The following BPI variants were observed in gnomAD, a reference collection of about 807,000 sequenced individuals.
BPI encodes the protein bactericidal permeability increasing protein.
BPI carries 48 observed loss-of-function variants against 57.6 expected under a neutral mutation model. The observed-to-expected ratio is 0.83, with a 90% CI of 0.66 to 1.06. The LOEUF (loss-of-function observed/expected upper bound fraction) is 1.06. BPI is among the 50% of genes least tolerant of loss of function. The pLI is 0.00. For synonymous variants in BPI, 237 were observed against 238.2 expected, an observed-to-expected ratio of 0.99 and a Z score of 0.05; for missense variants, 651 against 609.7, an observed-to-expected ratio of 1.07 and a Z score of -0.71.
At chr20:38,335,974 G>A (rs533728041) in intron 14 of BPI, among the ~76,000 whole-genome samples, 5 of 152,090 alleles carry the variant, frequency 3.3e-5, no homozygotes, top group Non-Finnish European at 7.4e-5. Flanking sequence ...TCTTTTTTAA[G>A]GTGCATTTAA....
At chr20:38,311,844 T>G in intron 4 of BPI, 30 bp from the exon 5 acceptor site, 1 of 1,608,870 alleles carries the variant, frequency 6.2e-7, no homozygotes, top group Non-Finnish European at 8.5e-7. Flanking sequence ...TCAAAAAGCC[T>G]CATCTATGTC....
At chr20:38,326,676 A>G in intron 10 of BPI, 1 of 449,870 alleles carries the variant, frequency 2.2e-6, no homozygotes, top group Non-Finnish European at 3.9e-6. Flanking sequence ...TTTCTCATTC[A>G]TTCAATTATT....
chr20:38,327,033 C>T (rs1192283216), intron 10 of BPI, among the ~76,000 whole-genome samples: 1 of 152,154 alleles, frequency 6.6e-6, no homozygotes, highest in East Asian at 1.9e-4. Context: ...TTGATTTATG[C>T]ATTCATCCCT....
intron 11 of BPI, among the ~76,000 whole-genome samples, chr20:38,330,356 C>T (rs970708337): frequency 6.6e-6 from 1 of 152,186 alleles, no homozygotes; most frequent in African/African-American, 2.4e-5. Context: ...AGTAATGGCC[C>T]TTGCCTCTTG....
chr20:38,319,070 A>G (rs922267171), intron 6 of BPI, among the ~76,000 whole-genome samples: 8 of 152,132 alleles, frequency 5.3e-5, no homozygotes, highest in African/African-American at 1.9e-4. Context: ...CCCTGTCCCT[A>G]CTAAAAATAC....
rs145662699 is a variant in BPI at position 38,318,301 on chromosome 20, A to G, written c.601-112A>G. ...AGAAAAGGGAAACTTGATTGGCTAC[A>G]TAATTTTCAAGAAAACATTCAAGGA... On this transcript the variant is annotated intron_variant, in intron 5 of 14. Transcript: ENST00000642449. 8.3e-3 allele frequency: 10,655 copies of G among 1,291,000 alleles called. 89 individuals are homozygous for G. Among genetic ancestry groups the G allele is most frequent in the South Asian group, 0.026 (2,141 of 83,008 alleles). The allele number at this position is 1,291,000 out of a possible 1,614,324, so 80.0% of individuals were successfully genotyped here. A position where few individuals can be genotyped will look rare whatever the true frequency, so the allele number is the denominator to read the frequency against.
intron 2 of BPI, among the ~76,000 whole-genome samples, chr20:38,308,321 G>A (rs545736155): frequency 6.6e-6 from 1 of 152,346 alleles, no homozygotes; most frequent in South Asian, 2.1e-4. Context: ...AGATGGACGT[G>A]AGGTCAACTT....
In BPI at chr20:38,320,266, C is replaced by G. The variant is rs767813008; in HGVS notation, c.748C>G (p.Gln250Glu). 2 of 1,613,792 alleles carry G rather than the reference C, an allele frequency of 1.2e-6. No individual in the cohort carries two copies. The highest frequency in any genetic ancestry group is 1.7e-6 in the Non-Finnish European group (2 of 1,179,780). The part of the protein sequence containing the change: ...PATTAETLDV[Q>E]MKGEFYSENH... ...AACCACGGCTGAGACCCTGGATGTA[C>G]AGATGAAGGTGAGGCTGACACTGAG... is the stretch of plus-strand genomic sequence containing the variant. Residue 250 changes from glutamine (Q) to glutamate (E), a missense_variant, in exon 7 of 15, where the codon CAG (glutamine) becomes GAG (glutamate). Coordinates refer to ENST00000642449, the MANE Select transcript of BPI (RefSeq NM_001725.3).
intron 4 of BPI, 94 bp downstream of exon 4, chr20:38,310,746 C>A: frequency 4.0e-6 from 6 of 1,497,876 alleles, no homozygotes; most frequent in Non-Finnish European, 5.4e-6. Context: ...AGAGTGCCAC[C>A]TGCATGCCAG....
chr20:38,330,515 A>G (rs2076737160), intron 11 of BPI, among the ~76,000 whole-genome samples: 1 of 152,220 alleles, frequency 6.6e-6, no homozygotes, highest in African/African-American at 2.4e-5. Flanking sequence ...ATATTGGCTC[A>G]GGTAACTGAA....
At chr20:38,325,463 G>A (rs1047832730) in intron 9 of BPI, among the ~76,000 whole-genome samples, 1 of 152,180 alleles carries the variant, frequency 6.6e-6, no homozygotes, top group African/African-American at 2.4e-5. Context: ...TGTCCTCACA[G>A]GGCCTTTTCT....
intron 7 of BPI, among the ~76,000 whole-genome samples, chr20:38,321,129 G>A (rs1028309851): frequency 7.5e-6 from 1 of 133,918 alleles, no homozygotes; most frequent in African/African-American, 2.9e-5. Flanking sequence ...GGATGGGTGG[G>A]TGGGTGTATT....
chr20:38,331,752 A>G lies in BPI; in HGVS notation c.1272+662A>G, dbSNP rs190758974. 4.3e-3 allele frequency among the ~76,000 whole-genome samples: 648 copies of G among 151,734 alleles called. 1 individual carries two copies. Among genetic ancestry groups the G allele is most frequent in the Non-Finnish European group, 7.5e-3 (508 of 67,928 alleles). On this transcript the variant is annotated intron_variant, in intron 12 of 14. Transcript: ENST00000642449. Reference sequence around the variant, plus strand: ...CAGATACCTGGGAGTCTGAGGCAGGAGGATGGCTTCAGCCCGGGAGTTCCA... The same window carrying G: ...CAGATACCTGGGAGTCTGAGGCAGGGGGATGGCTTCAGCCCGGGAGTTCCA...
intron 1 of BPI, among the ~76,000 whole-genome samples, chr20:38,307,305 A>G (rs1338753383): frequency 1.3e-5 from 2 of 152,228 alleles, no homozygotes; most frequent in Non-Finnish European, 2.9e-5. Flanking sequence ...ACAGGCACAT[A>G]TAAGAACATG....
intron 6 of BPI, 87 bp from the exon 7 acceptor site, chr20:38,320,096 C>A (rs1267712140): frequency 3.4e-6 from 4 of 1,160,328 alleles, no homozygotes; most frequent in African/African-American, 1.5e-5. Flanking sequence ...GCTCTTGATT[C>A]AATTTTAGGG....
intron 1 of BPI, among the ~76,000 whole-genome samples, chr20:38,305,627 A>T (rs1249718470): frequency 6.6e-6 from 1 of 152,110 alleles, no homozygotes; most frequent in Non-Finnish European, 1.5e-5. Flanking sequence ...ACCCCCAGAA[A>T]GCCTTCTCTA....
At chr20:38,317,624 T>G (rs771030622) in intron 5 of BPI, 34 of 720,462 alleles carry the variant, frequency 4.7e-5, no homozygotes, top group African/African-American at 2.6e-4. Context: ...TGTTGTGTTC[T>G]GTTGCTTAGA....
intron 5 of BPI, among the ~76,000 whole-genome samples, chr20:38,313,107 G>A (rs1053881285): frequency 4.6e-5 from 7 of 152,124 alleles, no homozygotes; most frequent in South Asian, 2.1e-4. Context: ...ACATTAGGCC[G>A]GGCATGGTGG....
At chr20:38,322,627 T>G (rs1256051723) in intron 7 of BPI, among the ~76,000 whole-genome samples, 3 of 152,244 alleles carry the variant, frequency 2.0e-5, no homozygotes, top group African/African-American at 4.8e-5. Context: ...TTATTATTAT[T>G]TGAGATGGAG....
Sources: gnomAD v4.1 joint callset for allele counts (sites outside exome capture counted in the v4.1 genomes callset) on GRCh38, gnomAD v4.1.1 for gene constraint, MANE v1.5 for transcripts, NCBI Gene and HGNC (gene_info 2026-07-23, HGNC 2026-07-21) for gene names.